Variants in PTPRN2 observed in about 807,000 individuals in gnomAD.
The protein encoded by PTPRN2 is protein tyrosine phosphatase receptor type N2, also known as receptor-type tyrosine-protein phosphatase N2.
In PTPRN2, 74 loss-of-function variants were observed where a neutral mutation model predicts 118.8. That is an observed-to-expected ratio of 0.62 (90% confidence interval 0.52 to 0.76). The LOEUF is 0.76. PTPRN2 is among the 30% of genes least tolerant of loss of function. The pLI is 0.00. For missense variants in PTPRN2, 1,481 were observed against 1,394.4 expected, an observed-to-expected ratio of 1.06 and a Z score of -0.99; for synonymous variants, 641 against 608.0, an observed-to-expected ratio of 1.05 and a Z score of -0.80.
At chr7:157,754,701 C>A (rs1313820573) in intron 12 of PTPRN2, among the ~76,000 whole-genome samples, 1 of 152,244 alleles carries the variant, frequency 6.6e-6, no homozygotes, top group Non-Finnish European at 1.5e-5. Flanking sequence ...GTGCCCCCAG[C>A]CCTACTTGGC....
intron 11 of PTPRN2, among the ~76,000 whole-genome samples, chr7:157,972,663 G>C (rs1802421404): frequency 8.1e-6 from 1 of 124,098 alleles, no homozygotes; most frequent in Non-Finnish European, 1.7e-5. Flanking sequence ...AGAGACCACG[G>C]GAACTCCACA....
rs1415144556 is a variant in PTPRN2, at chr7:157,801,372, T to C, written c.1788+97301A>G. Among the ~76,000 whole-genome samples the C allele has an allele frequency of 6.6e-6, 1 of 152,206 alleles. No homozygotes were observed. Among genetic ancestry groups the C allele is most frequent in the African/African-American group, 2.4e-5 (1 of 41,456 alleles). Reference sequence around the variant, plus strand: ...CTGCTTTGCCGTCTCCAGAAAGAGCTGTCGAGGTTTATTTATTCACGGAGA... The same window carrying C: ...CTGCTTTGCCGTCTCCAGAAAGAGCCGTCGAGGTTTATTTATTCACGGAGA... On this transcript the variant is annotated intron_variant, in intron 12 of 22. Coordinates refer to ENST00000389418, the MANE Select transcript of PTPRN2 (RefSeq NM_002847.5). The surrounding 1 kb of genome is among the most constrained non-coding windows in gnomAD (Gnocchi z 4.2).
intron 12 of PTPRN2, among the ~76,000 whole-genome samples, chr7:157,776,015 T>G (rs1019648015): frequency 4.6e-5 from 7 of 151,608 alleles, no homozygotes; most frequent in Admixed American, 1.3e-4. Context: ...TACTCGGAGG[T>G]GGGCAAGGAG....
chr7:158,058,132 G>T (rs1156956654), intron 11 of PTPRN2, among the ~76,000 whole-genome samples: 2 of 152,156 alleles, frequency 1.3e-5, no homozygotes, highest in Admixed American at 6.5e-5. Context: ...CACTCCATCT[G>T]CGCACGGTGA....
At chr7:158,146,504 G>A (rs1294294246) in intron 6 of PTPRN2, among the ~76,000 whole-genome samples, 4 of 152,114 alleles carry the variant, frequency 2.6e-5, no homozygotes, top group Non-Finnish European at 4.4e-5. Context: ...TGCGGATCAC[G>A]AGGTCAGGAG....
intron 1 of PTPRN2, among the ~76,000 whole-genome samples, chr7:158,577,013 C>G (rs1386137446): frequency 1.6e-5 from 2 of 124,622 alleles, no homozygotes; most frequent in Non-Finnish European, 1.7e-5. Context: ...ACTGAGGGCT[C>G]CCCACCCTGC....
chr7:158,001,375 C>T (rs995702749), intron 11 of PTPRN2, among the ~76,000 whole-genome samples: 5 of 152,006 alleles, frequency 3.3e-5, no homozygotes, highest in Non-Finnish European at 7.4e-5. Context: ...AGGTAGAGTT[C>T]ACGTGCAAAG....
intron 2 of PTPRN2, among the ~76,000 whole-genome samples, chr7:158,343,399 A>G (rs1435964329): frequency 6.6e-6 from 1 of 152,190 alleles, no homozygotes; most frequent in East Asian, 1.9e-4. Flanking sequence ...AAACGAAGCA[A>G]AACCGAAAAT....
intron 12 of PTPRN2, among the ~76,000 whole-genome samples, chr7:157,826,166 G>A (rs1034090369): frequency 7.4e-5 from 11 of 149,040 alleles, no homozygotes; most frequent in African/African-American, 2.5e-4. Flanking sequence ...TCATCACAAC[G>A]AGCGCCATTT....
chr7:158,065,359 C>A (rs1810685668), intron 11 of PTPRN2, among the ~76,000 whole-genome samples: 1 of 152,256 alleles, frequency 6.6e-6, no homozygotes. Context: ...ATGGGGGAGT[C>A]CTGTAAGGTC....
chr7:158,387,300 A>G (rs1811474530), intron 2 of PTPRN2, among the ~76,000 whole-genome samples: 1 of 152,166 alleles, frequency 6.6e-6, no homozygotes, highest in African/African-American at 2.4e-5. Flanking sequence ...TAGACACTGA[A>G]ATCACATCTG....
chr7:157,668,092 C>T (rs547027723), intron 13 of PTPRN2, among the ~76,000 whole-genome samples: 3 of 152,390 alleles, frequency 2.0e-5, no homozygotes, highest in East Asian at 1.9e-4. Context: ...CCACAGTCCT[C>T]GCTCGCCGTA....
intron 11 of PTPRN2, among the ~76,000 whole-genome samples, chr7:158,055,674 C>T (rs1283666659): frequency 6.6e-6 from 1 of 152,226 alleles, no homozygotes; most frequent in Non-Finnish European, 1.5e-5. Flanking sequence ...TCTCCTCTGC[C>T]TCGGCTGCCA....
At chr7:157,662,325 G>A (rs990286292) in intron 13 of PTPRN2, among the ~76,000 whole-genome samples, 1 of 152,224 alleles carries the variant, frequency 6.6e-6, no homozygotes, top group African/African-American at 2.4e-5. Context: ...TTCAAAATCA[G>A]GTTTGCTATG....
At chr7:158,507,044 G>A (rs1305892902) in intron 1 of PTPRN2, among the ~76,000 whole-genome samples, 1 of 152,228 alleles carries the variant, frequency 6.6e-6, no homozygotes, top group Non-Finnish European at 1.5e-5. Context: ...AGGTTACTGG[G>A]GGGAATGGGC....
chr7:158,347,921 C>T (rs1023398862), intron 2 of PTPRN2, among the ~76,000 whole-genome samples: 1 of 152,064 alleles, frequency 6.6e-6, no homozygotes, highest in Non-Finnish European at 1.5e-5. Context: ...TTGTCAAGGG[C>T]CTTGCATTCC....
chr7:158,307,081 A>G (rs1361062432), intron 3 of PTPRN2, among the ~76,000 whole-genome samples: 1 of 152,002 alleles, frequency 6.6e-6, no homozygotes, highest in Non-Finnish European at 1.5e-5. Flanking sequence ...TGGGCAGACT[A>G]GTCTTGAACT....
chr7:157,716,118 A>G (rs906874328), intron 12 of PTPRN2, among the ~76,000 whole-genome samples: 2 of 152,250 alleles, frequency 1.3e-5, no homozygotes, highest in African/African-American at 4.8e-5. Context: ...GTTCAGCCAC[A>G]GGCTGGGGGT....
At chr7:157,899,558 T>G (rs1308857975) in intron 11 of PTPRN2, among the ~76,000 whole-genome samples, 3 of 152,156 alleles carry the variant, frequency 2.0e-5, no homozygotes, top group Admixed American at 6.5e-5. Context: ...ACCCTATGAA[T>G]GAAGAGTGCC....
Sources: gnomAD v4.1 joint callset for allele counts (sites outside exome capture counted in the v4.1 genomes callset) on GRCh38, gnomAD v4.1.1 for gene constraint, Gnocchi (gnomAD v3.1) non-coding constraint, MANE v1.5 for transcripts, NCBI Gene and HGNC (gene_info 2026-07-23, HGNC 2026-07-21) for gene names.